FER: variants seen among roughly 807,000 people sequenced by gnomAD.
FER encodes the protein FER tyrosine kinase, also known as tyrosine-protein kinase Fer.
Under a neutral mutation model 111.0 loss-of-function variants are expected in FER, and 63 were observed. That is an observed-to-expected ratio of 0.57 (90% confidence interval 0.46 to 0.70). The LOEUF is 0.70. FER is among the 30% of genes least tolerant of loss of function. The pLI is 0.00. For missense variants in FER, 914 were observed against 954.0 expected (o/e 0.96, Z 0.55); for synonymous variants, 327 against 313.9 (o/e 1.04, Z -0.44).
intron 8 of FER, among the ~76,000 whole-genome samples, chr5:108,879,700 AAATATATATATATAT>A (rs1055874197): frequency 2.5e-5 from 3 of 119,338 alleles, no homozygotes; most frequent in Admixed American, 1.6e-4. Context: ...GATTAAAAAA[AAATATATATATATAT>A]ATATATATAT....
chr5:109,093,348 T>C (rs1034037202), intron 16 of FER, among the ~76,000 whole-genome samples: 1 of 152,222 alleles, frequency 6.6e-6, no homozygotes, highest in African/African-American at 2.4e-5. Flanking sequence ...TGCTGCAATG[T>C]GTTCTTTACA....
intron 5 of FER, among the ~76,000 whole-genome samples, chr5:108,844,171 C>CAT (rs780023343): frequency 6.0e-5 from 9 of 150,260 alleles, no homozygotes; most frequent in Middle Eastern, 3.4e-3. Context: ...TATGTGTGAA[C>CAT]ATATATATAT....
At chr5:109,061,213 AT>A (rs1409490934) in intron 16 of FER, among the ~76,000 whole-genome samples, 1 of 152,112 alleles carries the variant, frequency 6.6e-6, no homozygotes, top group Non-Finnish European at 1.5e-5. Flanking sequence ...TTGTTATGAA[AT>A]TTTTTTGAAA....
intron 17 of FER, among the ~76,000 whole-genome samples, chr5:109,118,793 A>G (rs1750595464): frequency 6.6e-6 from 1 of 152,036 alleles, no homozygotes. Flanking sequence ...TTATTTGCAT[A>G]GAGGTGTTTA....
chr5:108,968,185 G>C (rs147894224), intron 13 of FER, among the ~76,000 whole-genome samples: 11 of 152,304 alleles, frequency 7.2e-5, no homozygotes, highest in Middle Eastern at 3.4e-3. Flanking sequence ...TCAGGAGTTC[G>C]AGACAAGCCT....
chr5:108,764,484 A>G (rs535035757), intron 1 of FER, among the ~76,000 whole-genome samples: 6 of 152,042 alleles, frequency 3.9e-5, no homozygotes, highest in African/African-American at 1.4e-4. Context: ...TGCAACCTCT[A>G]CCTCCCGTGT....
intron 1 of FER, among the ~76,000 whole-genome samples, chr5:108,752,907 A>G (rs1750658438): frequency 6.6e-6 from 1 of 152,078 alleles, no homozygotes; most frequent in Non-Finnish European, 1.5e-5. Flanking sequence ...CATTTTATGT[A>G]GGTTTTCCTT....
Position 109,192,211 on chromosome 5 carries a change from A to T in FER, c.*4636A>T, listed in dbSNP as rs1759432230. 6.6e-6 allele frequency: 1 copy of T among 152,242 alleles called. No individual in the cohort carries two copies. Among genetic ancestry groups the T allele is most frequent in the Non-Finnish European group, 1.5e-5 (1 of 68,056 alleles). The allele number at this position is 152,242 out of a possible 1,614,324, so 9.4% of individuals were successfully genotyped here. Reference sequence around the variant, plus strand: ...ATTTAATAAGGTGCTGAGGCAGCAGATTCAAATGCAAAAGAGGGAGGAACC... The same window carrying T: ...ATTTAATAAGGTGCTGAGGCAGCAGTTTCAAATGCAAAAGAGGGAGGAACC... On this transcript the variant is annotated 3_prime_UTR_variant, in exon 20 of 20. Transcript: ENST00000281092.
At position 109,045,254 on chromosome 5, in the gene FER, CATATACATTTAAGT is replaced by C. The variant is rs1225311101; in HGVS notation, c.1829+483_1829+496del. On this transcript the variant is annotated intron_variant, in intron 15 of 19. Transcript: ENST00000281092. Reference sequence around the variant, plus strand: ...ATTTCTTCTTCAACTGTATAACTTACATATACATTTAAGTATATACATTTAAGTATATACATTAT... The same window carrying C: ...ATTTCTTCTTCAACTGTATAACTTACATATACATTTAAGTATATACATTAT... Among the ~76,000 whole-genome samples the C allele has an allele frequency of 2.0e-4, 30 of 149,382 alleles. No homozygotes were observed. In the East Asian group the frequency reaches 2.3e-3, roughly 12 times the overall value.
chr5:108,883,342 G>T, intron 8 of FER, 54 bp from the exon 9 acceptor site: 3 of 1,522,700 alleles, frequency 2.0e-6, no homozygotes, highest in Admixed American at 2.0e-5. Context: ...TTTTTGATAT[G>T]TATAAAGTGA....
chr5:109,144,889 T>C (rs1401943924), intron 17 of FER, among the ~76,000 whole-genome samples: 1 of 152,118 alleles, frequency 6.6e-6, no homozygotes, highest in Admixed American at 6.6e-5. Flanking sequence ...AAATGTGGTA[T>C]TTAATTTGTT....
At chr5:109,137,533 A>G (rs1430718048) in intron 17 of FER, among the ~76,000 whole-genome samples, 1 of 152,220 alleles carries the variant, frequency 6.6e-6, no homozygotes, top group Non-Finnish European at 1.5e-5. Context: ...ATTGTAGAGA[A>G]TAAAGTCCTA....
At position 108,820,136 on chromosome 5, in the gene FER, A is replaced by G. The variant is rs1304782252; in HGVS notation, c.208-12634A>G. ...CTAACTATAGTTCATTCTTCTCTTTAAAATTTCCAAATAGGCCATTATTGT... is the reference window on the plus strand; with the variant it reads ...CTAACTATAGTTCATTCTTCTCTTTGAAATTTCCAAATAGGCCATTATTGT... On this transcript the variant is annotated intron_variant, in intron 3 of 19. Coordinates refer to ENST00000281092, the MANE Select transcript of FER (RefSeq NM_005246.4). The G allele has an allele frequency of 3.0e-6, 3 of 985,300 alleles. No individual in the cohort carries two copies. The African/African-American group carries it at 5.2e-5, about 17-fold the overall frequency. 61.0% of individuals were successfully genotyped at this position (985,300 alleles called of 1,614,324 possible).
chr5:108,846,583 A>G (rs1762048931), intron 5 of FER, among the ~76,000 whole-genome samples: 1 of 151,604 alleles, frequency 6.6e-6, no homozygotes, highest in Non-Finnish European at 1.5e-5. Context: ...TTATTTATAT[A>G]TTTTTTATTT....
chr5:108,859,703 A>T (rs547110553), intron 5 of FER, among the ~76,000 whole-genome samples: 4 of 152,226 alleles, frequency 2.6e-5, no homozygotes, highest in African/African-American at 9.6e-5. Context: ...CTGTGGATCA[A>T]TTGAATGTAG....
intron 8 of FER, among the ~76,000 whole-genome samples, chr5:108,879,948 G>T (rs1296496915): frequency 6.6e-6 from 1 of 151,682 alleles, no homozygotes; most frequent in East Asian, 1.9e-4. Flanking sequence ...GACCTCAAAT[G>T]ATCCACCCGC....
rs1759418269 is a variant in FER, at chr5:109,192,005, A to G, written c.*4430A>G. The G allele has an allele frequency of 6.6e-6, 1 of 152,148 alleles. No individual in the cohort carries two copies. Among genetic ancestry groups the G allele is most frequent in the African/African-American group, 2.4e-5 (1 of 41,446 alleles). 9.4% of individuals were successfully genotyped at this position (152,148 alleles called of 1,614,324 possible). On this transcript the variant is annotated 3_prime_UTR_variant, in exon 20 of 20. Coordinates refer to ENST00000281092, the MANE Select transcript of FER (RefSeq NM_005246.4). ...CAATTTAATGAAATACTACCCCATTAAAAGCCATCCTCCTGCCTCATACCG... is the reference window on the plus strand; with the variant it reads ...CAATTTAATGAAATACTACCCCATTGAAAGCCATCCTCCTGCCTCATACCG...
intron 18 of FER, among the ~76,000 whole-genome samples, chr5:109,181,926 C>T (rs1758332352): frequency 6.6e-6 from 1 of 152,160 alleles, no homozygotes; most frequent in Non-Finnish European, 1.5e-5. Context: ...CCGTTGTCCC[C>T]TAGTAGCCAC....
chr5:109,112,144 TG>T (rs1749695932), intron 17 of FER, among the ~76,000 whole-genome samples: 1 of 152,144 alleles, frequency 6.6e-6, no homozygotes, highest in Non-Finnish European at 1.5e-5. Flanking sequence ...ACTGTTTGTT[TG>T]TTTTTTTTTA....
Sources: allele counts gnomAD v4.1 joint callset (sites outside exome capture counted in the v4.1 genomes callset), GRCh38; gene constraint gnomAD v4.1.1; transcripts MANE v1.5; gene names NCBI Gene and HGNC (gene_info 2026-07-23, HGNC 2026-07-21).